The following PHF21B variants were observed in gnomAD, a reference collection of about 807,000 sequenced individuals.
The protein encoded by PHF21B is PHD finger protein 4.
Under a neutral mutation model 62.2 loss-of-function variants are expected in PHF21B, and 22 were observed. That is an observed-to-expected ratio of 0.35 (90% CI 0.25 to 0.51). The LOEUF (loss-of-function observed/expected upper bound fraction) is 0.51. PHF21B is among the 20% of genes least tolerant of loss of function. The pLI is 0.97. For synonymous variants in PHF21B, 341 were observed against 314.7 expected (o/e 1.08, Z -0.88); for missense variants, 701 against 707.9 (o/e 0.99, Z 0.11).
rs572562972 is a variant in PHF21B, at chr22:44,946,988, C to T, written c.121-26498G>A. On this transcript the variant is annotated intron_variant, in intron 2 of 12. Transcript: ENST00000313237. ...GCAGATGCTCCGTTTAAGGGGGCTG[C>T]GGCCAATTGGCATCACTGAAGCCCA... 6.6e-5 allele frequency among the ~76,000 whole-genome samples: 10 copies of T among 152,330 alleles called. No homozygotes were observed. The South Asian group carries it at 1.4e-3, about 22-fold the overall frequency.
intron 2 of PHF21B, among the ~76,000 whole-genome samples, chr22:44,958,841 A>T (rs367955032): frequency 5.9e-4 from 89 of 152,018 alleles, no homozygotes; most frequent in African/African-American, 1.9e-3. Context: ...GGGTTTCACC[A>T]TGTTGGCTAG....
intron 7 of PHF21B, among the ~76,000 whole-genome samples, chr22:44,893,085 C>T (rs1464410515): frequency 2.0e-5 from 3 of 152,168 alleles, no homozygotes; most frequent in African/African-American, 7.2e-5. Context: ...GCCAACTGCA[C>T]AGGCTCTAGA....
intron 2 of PHF21B, among the ~76,000 whole-genome samples, chr22:44,934,630 G>A (rs1323420814): frequency 2.0e-5 from 3 of 152,168 alleles, no homozygotes; most frequent in Non-Finnish European, 2.9e-5. Context: ...GTAGGCACTG[G>A]GGCTCTAGGA....
chr22:44,888,078 C>T lies in PHF21B; in HGVS notation c.1082G>A (p.Gly361Glu). Residue 361 changes from glycine (G) to glutamate (E), a missense_variant, in exon 10 of 13, where the codon GGG becomes GAG. Gly to Glu is a moderately conservative substitution (Grantham distance 98). Transcript: ENST00000313237. The part of the protein sequence containing the change: ...HDEHCAACKR[G>E]ANLQPCGTCP... The stretch of plus-strand genomic sequence containing the variant: ...GGTGCCGCAGGGCTGCAGGTTGGCC[C>T]CTCGCTTGCAGGCGGCACAGTGCTC... 6.5e-7 allele frequency: 1 copy of T among 1,548,138 alleles called. No homozygotes were observed. The highest frequency in any genetic ancestry group is 8.7e-7 in the Non-Finnish European group (1 of 1,146,452).
chr22:44,962,107 T>C (rs949323779), intron 2 of PHF21B, among the ~76,000 whole-genome samples: 4 of 152,156 alleles, frequency 2.6e-5, no homozygotes, highest in Admixed American at 6.5e-5. Flanking sequence ...GAATGATGTA[T>C]TTTCTTTCCA....
chr22:44,909,132 T>C (rs1322972152), intron 5 of PHF21B, among the ~76,000 whole-genome samples: 2 of 152,230 alleles, frequency 1.3e-5, no homozygotes, highest in Non-Finnish European at 2.9e-5. Context: ...TAATAAGGAT[T>C]TTTATCCCAG....
intron 2 of PHF21B, chr22:45,001,193 A>G (rs4823267): frequency 0.94 from 143,218 of 152,532 alleles, 67,821 homozygotes; most frequent in South Asian, 1. Context: ...TTCCATTCAC[A>G]GCGGTCCCAG....
intron 3 of PHF21B, among the ~76,000 whole-genome samples, chr22:44,917,330 A>G (rs2071456409): frequency 6.6e-6 from 1 of 152,166 alleles, no homozygotes. Context: ...CGGAAGAAAG[A>G]AAATGCACAG....
At chr22:44,930,437 CAG>C (rs947300697) in intron 2 of PHF21B, among the ~76,000 whole-genome samples, 2 of 152,116 alleles carry the variant, frequency 1.3e-5, no homozygotes, top group African/African-American at 4.8e-5. Context: ...ATGAAGGAGA[CAG>C]AGGGAGCTCT....
At chr22:44,940,419 G>T (rs566278421) in intron 2 of PHF21B, among the ~76,000 whole-genome samples, 1 of 152,190 alleles carries the variant, frequency 6.6e-6, no homozygotes, top group Non-Finnish European at 1.5e-5. Context: ...TTAATAAGCC[G>T]GAATAATGAG....
At chr22:44,937,904 C>T (rs1569240465) in intron 2 of PHF21B, among the ~76,000 whole-genome samples, 1 of 152,256 alleles carries the variant, frequency 6.6e-6, no homozygotes, top group Non-Finnish European at 1.5e-5. Context: ...ATCTCAACAG[C>T]GGGTGCTCTG....
intron 2 of PHF21B, among the ~76,000 whole-genome samples, chr22:45,007,736 G>A (rs2073349969): frequency 7.8e-6 from 1 of 128,760 alleles, no homozygotes; most frequent in African/African-American, 2.8e-5. Flanking sequence ...GCGAGTGCGG[G>A]GAGGGGGCGC....
chr22:44,911,047 T>C, intron 5 of PHF21B, among the ~76,000 whole-genome samples: 1 of 152,226 alleles, frequency 6.6e-6, no homozygotes, highest in Non-Finnish European at 1.5e-5. Flanking sequence ...TGTTATGTTT[T>C]AGCAAAGAGA....
chr22:44,884,337 ATTAG>A (rs1206856530), intron 12 of PHF21B, among the ~76,000 whole-genome samples: 203 of 105,460 alleles, frequency 1.9e-3, no homozygotes, highest in African/African-American at 2.6e-3. Context: ...CACCACCATC[ATTAG>A]CACCATCACC....
chr22:44,933,488 T>G, intron 2 of PHF21B: 1 of 985,498 alleles, frequency 1.0e-6, no homozygotes, highest in Non-Finnish European at 1.2e-6. Context: ...GCTGGGTCCC[T>G]TGTGCACAGA....
chr22:44,885,217 G>A (rs776583601), intron 12 of PHF21B, among the ~76,000 whole-genome samples: 1 of 152,036 alleles, frequency 6.6e-6, no homozygotes, highest in Non-Finnish European at 1.5e-5. Flanking sequence ...CCAGGCCCCG[G>A]TGCACACCTG....
At chr22:44,884,758 TCA>T (rs2070823290) in intron 12 of PHF21B, among the ~76,000 whole-genome samples, 1 of 111,198 alleles carries the variant, frequency 9.0e-6, no homozygotes, top group Non-Finnish European at 2.0e-5. Flanking sequence ...AGCACCACCA[TCA>T]TTACCACCAT....
intron 2 of PHF21B, chr22:44,971,406 C>G (rs369596706): frequency 6.6e-6 from 1 of 152,128 alleles, no homozygotes; most frequent in Admixed American, 6.5e-5. Context: ...TCGGGGTAGG[C>G]AGCAGAAGGA....
chr22:44,953,246 G>A (rs8140391), intron 2 of PHF21B, among the ~76,000 whole-genome samples: 4 of 152,116 alleles, frequency 2.6e-5, no homozygotes, highest in South Asian at 4.1e-4. Flanking sequence ...ATGCACTAGC[G>A]AGTTGGGGTA....
Sources: allele counts gnomAD v4.1 joint callset (sites outside exome capture counted in the v4.1 genomes callset), GRCh38; gene constraint gnomAD v4.1.1; transcripts MANE v1.5; gene names NCBI Gene and HGNC (gene_info 2026-07-23, HGNC 2026-07-21).